The following XYLB variants were observed in gnomAD, a reference collection of about 807,000 sequenced individuals.
XYLB encodes xylulose kinase.
In XYLB, 62 loss-of-function variants were observed where a neutral mutation model predicts 78.7. The ratio of observed to expected loss-of-function variants is 0.79; its 90% CI spans 0.64 to 0.97. The LOEUF (loss-of-function observed/expected upper bound fraction) is 0.97, where lower values mean the gene tolerates loss of function less well. XYLB is among the 50% of genes least tolerant of loss of function. The pLI is 0.00. For missense variants in XYLB, 687 were observed against 676.8 expected (o/e 1.02, Z -0.17); for synonymous variants, 245 against 247.4 (o/e 0.99, Z 0.09).
chr3:38,357,392 CT>C (rs56176736), intron 2 of XYLB, among the ~76,000 whole-genome samples: 8 of 145,184 alleles, frequency 5.5e-5, no homozygotes, highest in Non-Finnish European at 7.5e-5. Flanking sequence ...TCTCTACATC[CT>C]TTTTTTTTTT....
the XYLB span, among the ~76,000 whole-genome samples, chr3:38,445,093 C>A: frequency 2.0e-5 from 3 of 152,102 alleles, no homozygotes; most frequent in Non-Finnish European, 2.9e-5. Context: ...AGTATTGGGA[C>A]CTTACCCCTT....
chr3:38,360,797 G>A (rs818847), intron 3 of XYLB, among the ~76,000 whole-genome samples: 135,989 of 152,180 alleles, frequency 0.89, 61,353 homozygotes, highest in East Asian at 1. Context: ...ACTTTGGGAG[G>A]CCGAGGCAGG....
At chr3:38,424,723 A>C (rs547960884), downstream of XYLB, among the ~76,000 whole-genome samples, 108 of 152,340 alleles carry the variant, frequency 7.1e-4, no homozygotes, top group African/African-American at 2.4e-3. Flanking sequence ...TACGTGGTTC[A>C]TTCCACACAA....
At position 38,365,300 on chromosome 3, in the gene XYLB, G is replaced by A. The variant is rs746495674; in HGVS notation, c.378+15G>A. 8.1e-6 allele frequency: 13 copies of A among 1,613,578 alleles called. No individual in the cohort carries two copies. The highest frequency in any genetic ancestry group is 1.1e-5 in the South Asian group (1 of 91,076). ...AGCAGCTGCAGGTAACTGTGGCTAC[G>A]TTGTGTGAGTGTGAGAAACTTCTGC... On this transcript the variant is annotated intron_variant, in intron 5 of 18. Transcript: ENST00000207870.
intron 15 of XYLB, among the ~76,000 whole-genome samples, chr3:38,384,597 C>T (rs373453450): frequency 5.3e-5 from 8 of 152,146 alleles, no homozygotes; most frequent in South Asian, 2.1e-4. Flanking sequence ...AAATACATAA[C>T]GAATGGATGT....
chr3:38,374,074 C>A (rs1252600707), intron 10 of XYLB, among the ~76,000 whole-genome samples: 1 of 151,890 alleles, frequency 6.6e-6, no homozygotes, highest in Non-Finnish European at 1.5e-5. Context: ...TAAGGCAGGG[C>A]ACAGAGAGTG....
the XYLB span, among the ~76,000 whole-genome samples, chr3:38,438,005 G>T: frequency 6.6e-6 from 1 of 152,118 alleles, no homozygotes; most frequent in African/African-American, 2.4e-5. Context: ...AGGAGGCAGA[G>T]GTTGCAGTGA....
At chr3:38,388,455 A>G (rs192260319) in intron 15 of XYLB, among the ~76,000 whole-genome samples, 13 of 152,212 alleles carry the variant, frequency 8.5e-5, no homozygotes, top group East Asian at 5.8e-4. Flanking sequence ...TCCACAATAT[A>G]TACATATTTC....
At chr3:38,431,425 G>C in the XYLB span, among the ~76,000 whole-genome samples, 6 of 152,296 alleles carry the variant, frequency 3.9e-5, no homozygotes, top group African/African-American at 1.4e-4. Context: ...TGCTGAAGTT[G>C]CTTATCAGCT....
rs574651912 is a variant in XYLB, at chr3:38,374,815, C to T, written c.888+313C>T. Among the ~76,000 whole-genome samples the T allele has an allele frequency of 1.9e-3, 283 of 152,204 alleles. 1 individual carries two copies. Among genetic ancestry groups the T allele is most frequent in the African/African-American group, 6.5e-3 (272 of 41,538 alleles). On this transcript the variant is annotated intron_variant, in intron 11 of 18. Transcript: ENST00000207870. ...TGTGGGGCCAAAGGGCTGTGAGCAGCGCAGATGAATAAGGAAGACATAACC... is the reference window on the plus strand; with the variant it reads ...TGTGGGGCCAAAGGGCTGTGAGCAGTGCAGATGAATAAGGAAGACATAACC...
At chr3:38,439,127 C>A in the XYLB span, among the ~76,000 whole-genome samples, 2 of 152,166 alleles carry the variant, frequency 1.3e-5, no homozygotes, top group Non-Finnish European at 2.9e-5. Context: ...AAACAGGACA[C>A]CCCAGCTGCT....
chr3:38,374,027 TAAA>T (rs71959934), intron 10 of XYLB, among the ~76,000 whole-genome samples: 1 of 146,946 alleles, frequency 6.8e-6, no homozygotes, highest in Non-Finnish European at 1.5e-5. Flanking sequence ...ATATATCTCT[TAAA>T]AAAAAAAAAG....
the XYLB span, among the ~76,000 whole-genome samples, chr3:38,428,297 C>G: frequency 2.6e-5 from 4 of 152,172 alleles, no homozygotes; most frequent in Non-Finnish European, 5.9e-5. Context: ...TGTGTTTTCT[C>G]TCTTGTTGAG....
downstream of XYLB, among the ~76,000 whole-genome samples, chr3:38,422,268 T>A (rs935433666): frequency 6.6e-6 from 1 of 152,194 alleles, no homozygotes; most frequent in Admixed American, 6.5e-5. Flanking sequence ...CAAATTGTTA[T>A]ATCTACTTCT....
chr3:38,408,613 G>A (rs950003332), intron 18 of XYLB, among the ~76,000 whole-genome samples: 23 of 151,116 alleles, frequency 1.5e-4, no homozygotes, highest in Non-Finnish European at 3.1e-4. Flanking sequence ...TTTTTGAAAG[G>A]ATCAACAAAA....
chr3:38,364,247 G>A (rs1180805253), intron 4 of XYLB, among the ~76,000 whole-genome samples: 1 of 151,682 alleles, frequency 6.6e-6, no homozygotes, highest in Non-Finnish European at 1.5e-5. Flanking sequence ...ACATCCAAGG[G>A]TCCTCACGTC....
At chr3:38,380,415 CTA>C (rs1457742681) in intron 15 of XYLB, among the ~76,000 whole-genome samples, 1 of 152,100 alleles carries the variant, frequency 6.6e-6, no homozygotes, top group Non-Finnish European at 1.5e-5. Context: ...GACTGGCCGC[CTA>C]TAGAGTCCAG....
chr3:38,438,525 C>T, the XYLB span, among the ~76,000 whole-genome samples: 1 of 152,202 alleles, frequency 6.6e-6, no homozygotes, highest in East Asian at 1.9e-4. Context: ...TCATAAGGAA[C>T]CAAAAAGAGC....
chr3:38,407,490 AC>A (rs1364832091), intron 18 of XYLB, among the ~76,000 whole-genome samples: 1 of 152,170 alleles, frequency 6.6e-6, no homozygotes, highest in Non-Finnish European at 1.5e-5. Flanking sequence ...AAGCAAAATA[AC>A]CAGCTAACAT....
Sources: gnomAD v4.1 joint callset for allele counts (sites outside exome capture counted in the v4.1 genomes callset) on GRCh38, gnomAD v4.1.1 for gene constraint, MANE v1.5 for transcripts, NCBI Gene and HGNC (gene_info 2026-07-23, HGNC 2026-07-21) for gene names.